The following GPM6A variants were observed in gnomAD, a reference collection of about 807,000 sequenced individuals.
GPM6A encodes neuronal membrane glycoprotein M6-a.
A neutral mutation model predicts 32.1 loss-of-function variants in GPM6A; 7 were observed. The ratio of observed to expected loss-of-function variants is 0.22; its 90% CI spans 0.12 to 0.41. The LOEUF (loss-of-function observed/expected upper bound fraction) is 0.41, where lower values mean the gene tolerates loss of function less well. Among genes scored for constraint, GPM6A ranks in the 10% least tolerant of loss-of-function variants. GPM6A has a pLI of 1.00. For missense variants in GPM6A, 235 were observed against 347.2 expected, an observed-to-expected ratio of 0.68 and a Z score of 2.57; for synonymous variants, 130 against 123.4, an observed-to-expected ratio of 1.05 and a Z score of -0.35.
At chr4:175,650,596 C>T (rs774763140) in intron 4 of GPM6A, among the ~76,000 whole-genome samples, 11 of 152,104 alleles carry the variant, frequency 7.2e-5, no homozygotes, top group East Asian at 1.9e-4. Context: ...TGAGTCACCA[C>T]GCCCCACCTG....
intron 1 of GPM6A, among the ~76,000 whole-genome samples, chr4:175,802,087 G>T (rs185917898): frequency 2.8e-4 from 42 of 152,114 alleles, no homozygotes; most frequent in Admixed American, 4.6e-4. Context: ...ATACATGCTT[G>T]CTGTCTCTTT....
At chr4:175,847,817 G>A (rs1045215330) in intron 1 of GPM6A, among the ~76,000 whole-genome samples, 2 of 152,164 alleles carry the variant, frequency 1.3e-5, no homozygotes, top group African/African-American at 4.8e-5. Flanking sequence ...AACTGCAAAA[G>A]TTACAGCTGT....
At chr4:175,851,925 G>A (rs1736272299) in intron 1 of GPM6A, among the ~76,000 whole-genome samples, 1 of 151,488 alleles carries the variant, frequency 6.6e-6, no homozygotes, top group Non-Finnish European at 1.5e-5. Context: ...ACAAAAAAAA[G>A]AGGACAGTGG....
At chr4:175,824,682 G>T (rs1204860325) in intron 1 of GPM6A, among the ~76,000 whole-genome samples, 1 of 152,092 alleles carries the variant, frequency 6.6e-6, no homozygotes, top group African/African-American at 2.4e-5. Flanking sequence ...AGCTTTCCAG[G>T]GACTAGGTTC....
At chr4:175,876,488 TCA>T (rs1439078730) in intron 1 of GPM6A, among the ~76,000 whole-genome samples, 1 of 152,214 alleles carries the variant, frequency 6.6e-6, no homozygotes. Context: ...CTATCTATTT[TCA>T]GTTTTTACTT....
intron 1 of GPM6A, among the ~76,000 whole-genome samples, chr4:175,995,120 C>A (rs1204918812): frequency 5.3e-5 from 8 of 152,128 alleles, no homozygotes; most frequent in Non-Finnish European, 1.2e-4. Flanking sequence ...AAGGCTTGAG[C>A]CCCTCAAGGT....
intron 1 of GPM6A, among the ~76,000 whole-genome samples, chr4:175,789,175 C>T (rs149838178): frequency 2.0e-5 from 3 of 152,076 alleles, no homozygotes; most frequent in Admixed American, 1.3e-4. Flanking sequence ...TTTAATACGT[C>T]TTCTTTTTAA....
At chr4:175,637,063 G>T (rs1579322965) in intron 6 of GPM6A, among the ~76,000 whole-genome samples, 1 of 54,732 alleles carries the variant, frequency 1.8e-5, no homozygotes, top group African/African-American at 7.1e-5. Context: ...TAAAATATTT[G>T]TAATATAAAA....
chr4:175,909,973 A>C (rs1738262257), intron 1 of GPM6A, among the ~76,000 whole-genome samples: 1 of 152,190 alleles, frequency 6.6e-6, no homozygotes, highest in African/African-American at 2.4e-5. Flanking sequence ...CTGTCACTAC[A>C]GTTTCAGAGT....
rs1560838241 is a variant in GPM6A at position 175,633,314 on chromosome 4, A to G, written c.*1591T>C. ...CTAAGCATAAAGAAAAGGAAGCAAA[A>G]TGAACCCCAAATTAATTAAATAATA... On this transcript the variant is annotated 3_prime_UTR_variant, in exon 7 of 7. Transcript: ENST00000393658. 1 of 152,456 alleles carries G rather than the reference A, an allele frequency of 6.6e-6. No homozygotes were observed. The highest frequency in any genetic ancestry group is 1.5e-5 in the Non-Finnish European group (1 of 67,912). 9.4% of individuals were successfully genotyped at this position (152,456 alleles called of 1,614,324 possible).
At chr4:175,844,705 T>C (rs1560961504) in intron 1 of GPM6A, among the ~76,000 whole-genome samples, 1 of 152,174 alleles carries the variant, frequency 6.6e-6, no homozygotes. Context: ...GTTAAAGAAG[T>C]CTTGTAGCTT....
At chr4:175,852,402 C>T (rs907450675) in intron 1 of GPM6A, among the ~76,000 whole-genome samples, 1 of 152,144 alleles carries the variant, frequency 6.6e-6, no homozygotes, top group Non-Finnish European at 1.5e-5. Flanking sequence ...TAAAGATTGG[C>T]TTTAAAAATT....
At chr4:175,698,840 A>C (rs1228861695) in intron 2 of GPM6A, among the ~76,000 whole-genome samples, 1 of 152,196 alleles carries the variant, frequency 6.6e-6, no homozygotes, top group Admixed American at 6.5e-5. Flanking sequence ...AAAACTACCA[A>C]ATTAAGCATA....
intron 1 of GPM6A, chr4:175,971,072 T>C: frequency 3.6e-6 from 1 of 280,452 alleles, no homozygotes; most frequent in South Asian, 3.1e-5. Flanking sequence ...TGCAATTCCC[T>C]GACAAAGTCT....
At chr4:175,733,278 C>T (rs750932065) in intron 1 of GPM6A, among the ~76,000 whole-genome samples, 2 of 151,748 alleles carry the variant, frequency 1.3e-5, no homozygotes, top group South Asian at 2.1e-4. Flanking sequence ...CTGAGGCAGG[C>T]GGATCATGAG....
Position 175,877,002 on chromosome 4 carries a change from C to T in GPM6A, c.-22-64753G>A, listed in dbSNP as rs557415057. On this transcript the variant is annotated intron_variant, in intron 1 of 7. Transcript: ENST00000280187. ...AAGTCCATGCGGTCACTTATCCCTCCTCTGGCAGAAACCAGCTCCCCAGCT... is the reference window on the plus strand; with the variant it reads ...AAGTCCATGCGGTCACTTATCCCTCTTCTGGCAGAAACCAGCTCCCCAGCT... Among the ~76,000 whole-genome samples the T allele has an allele frequency of 4.6e-5, 7 of 152,166 alleles. No individual in the cohort carries two copies. In the South Asian group the frequency reaches 1.5e-3, roughly 32 times the overall value.
At chr4:175,816,862 A>T (rs1307216590), upstream of GPM6A, among the ~76,000 whole-genome samples, 1 of 83,504 alleles carries the variant, frequency 1.2e-5, no homozygotes, top group Non-Finnish European at 2.5e-5. Context: ...TCTTTTTTTT[A>T]TTTTTATTTT....
chr4:175,674,901 T>C (rs1033594970), intron 2 of GPM6A, among the ~76,000 whole-genome samples: 1 of 152,022 alleles, frequency 6.6e-6, no homozygotes. Flanking sequence ...TTTTGCTTTT[T>C]TTTTTTAAAA....
At chr4:175,679,955 A>G (rs1469809069) in intron 2 of GPM6A, among the ~76,000 whole-genome samples, 3 of 152,154 alleles carry the variant, frequency 2.0e-5, no homozygotes, top group African/African-American at 7.2e-5. Flanking sequence ...TCTCTTTGAG[A>G]AACTCTCGTC....
Sources: gnomAD v4.1 joint callset for allele counts (sites outside exome capture counted in the v4.1 genomes callset) on GRCh38, gnomAD v4.1.1 for gene constraint, MANE v1.5 for transcripts, NCBI Gene and HGNC (gene_info 2026-07-23, HGNC 2026-07-21) for gene names.